Variants in CDH18 observed in about 807,000 individuals in gnomAD.
CDH18 encodes the protein cadherin 18, also known as cadherin-18.
A neutral mutation model predicts 67.9 loss-of-function variants in CDH18; 31 were observed. The observed-to-expected ratio is 0.46, with a 90% CI of 0.34 to 0.62. The LOEUF (loss-of-function observed/expected upper bound fraction) is 0.62. Among genes scored for constraint, CDH18 ranks in the 20% least tolerant of loss-of-function variants. CDH18 has a pLI of 0.01. For missense variants in CDH18, 890 were observed against 975.5 expected (o/e 0.91, Z 1.17); for synonymous variants, 362 against 347.2 (o/e 1.04, Z -0.48).
At chr5:19,591,608 C>T (rs946328151) in intron 6 of CDH18, among the ~76,000 whole-genome samples, 15 of 151,870 alleles carry the variant, frequency 9.9e-5, no homozygotes, top group South Asian at 4.2e-4. Flanking sequence ...TTCCACCCAT[C>T]GTAAATGTGA....
At chr5:20,046,507 G>A (rs1740905519) in intron 2 of CDH18, among the ~76,000 whole-genome samples, 1 of 151,552 alleles carries the variant, frequency 6.6e-6, no homozygotes, top group Admixed American at 6.6e-5. Flanking sequence ...GGATTTTGAA[G>A]AAACTATATA....
In CDH18 at chr5:20,111,282, T is replaced by C. The variant is rs945321783; in HGVS notation, c.-517-119268A>G. On this transcript the variant is annotated intron_variant, in intron 2 of 14. Transcript: ENST00000507958. ...TCAAAGGTTCAGAAGAACTGCTAGCTAATGTATACGCATTTTGTATGAAGA... is the reference window on the plus strand; with the variant it reads ...TCAAAGGTTCAGAAGAACTGCTAGCCAATGTATACGCATTTTGTATGAAGA... Among the ~76,000 whole-genome samples, 4 of 152,286 alleles carry C rather than the reference T, an allele frequency of 2.6e-5. No homozygotes were observed. The East Asian group carries it at 7.7e-4, about 30-fold the overall frequency.
intron 7 of CDH18, among the ~76,000 whole-genome samples, chr5:19,580,159 T>C (rs10941371): frequency 0.57 from 86,590 of 151,616 alleles, 27,281 homozygotes; most frequent in South Asian, 0.75. Context: ...GTTTTTTGGT[T>C]ATAATTTCCA....
chr5:19,955,539 T>G, intron 2 of CDH18, among the ~76,000 whole-genome samples: 1 of 152,078 alleles, frequency 6.6e-6, no homozygotes, highest in Middle Eastern at 3.2e-3. Flanking sequence ...GAATACACAT[T>G]AAGAGGACAG....
intron 2 of CDH18, among the ~76,000 whole-genome samples, chr5:20,086,050 T>C (rs1004652758): frequency 2.6e-5 from 4 of 152,120 alleles, no homozygotes; most frequent in Non-Finnish European, 4.4e-5. Context: ...AAGATGTAAA[T>C]ACAAAGGAAA....
At chr5:20,201,230 T>C (rs1011423137) in intron 2 of CDH18, among the ~76,000 whole-genome samples, 1 of 152,016 alleles carries the variant, frequency 6.6e-6, no homozygotes, top group African/African-American at 2.4e-5. Context: ...TACAGCCATC[T>C]TCTCTCTGTG....
Position 19,790,753 on chromosome 5 carries a change from T to A in CDH18, c.229-43517A>T, listed in dbSNP as rs574200083. 7.9e-5 allele frequency among the ~76,000 whole-genome samples: 12 copies of A among 152,188 alleles called. No individual in the cohort carries two copies. In the South Asian group the frequency reaches 2.5e-3, roughly 32 times the overall value. On this transcript the variant is annotated intron_variant, in intron 3 of 12. Transcript: ENST00000382275. ...GCTGGATAAGGAAGAGTTTATACGG[T>A]GCACAGGGGAAAGGGGATACCAATT...
At chr5:19,605,772 T>C (rs1272813657) in intron 6 of CDH18, among the ~76,000 whole-genome samples, 2 of 152,072 alleles carry the variant, frequency 1.3e-5, no homozygotes, top group Non-Finnish European at 2.9e-5. Context: ...TTTAAAAATA[T>C]GTAGTGCTGG....
chr5:19,751,581 A>G (rs1387539751), intron 3 of CDH18, among the ~76,000 whole-genome samples: 3 of 152,224 alleles, frequency 2.0e-5, no homozygotes, highest in Non-Finnish European at 2.9e-5. Context: ...TCATTCCAGA[A>G]TGTATTACAT....
intron 2 of CDH18, among the ~76,000 whole-genome samples, chr5:20,043,794 T>A (rs893403318): frequency 6.6e-6 from 1 of 152,212 alleles, no homozygotes; most frequent in African/African-American, 2.4e-5. Context: ...AGCTGATATT[T>A]TTCCTCTGAT....
intron 5 of CDH18, among the ~76,000 whole-genome samples, chr5:19,720,051 C>T (rs551922096): frequency 6.6e-6 from 1 of 152,132 alleles, no homozygotes; most frequent in East Asian, 1.9e-4. Flanking sequence ...GCAAGTGACC[C>T]AATCAAATCC....
intron 1 of CDH18, among the ~76,000 whole-genome samples, chr5:20,257,538 C>G (rs1744342722): frequency 6.6e-6 from 1 of 152,064 alleles, no homozygotes; most frequent in Admixed American, 6.6e-5. Flanking sequence ...GCCCAATGCA[C>G]AGCTCTGACT....
At chr5:20,231,104 T>A (rs925084352) in intron 2 of CDH18, among the ~76,000 whole-genome samples, 2 of 152,172 alleles carry the variant, frequency 1.3e-5, no homozygotes, top group African/African-American at 4.8e-5. Context: ...CTACTATACG[T>A]TGAAATCTGT....
intron 2 of CDH18, among the ~76,000 whole-genome samples, chr5:20,081,831 C>T (rs1258308143): frequency 1.3e-5 from 2 of 152,104 alleles, no homozygotes; most frequent in Non-Finnish European, 2.9e-5. Context: ...AACAAACAAC[C>T]ACCTATTGGG....
At position 19,512,312 on chromosome 5, in the gene CDH18, C is replaced by T. The variant is rs144415293; in HGVS notation, c.1512+8345G>A. On this transcript the variant is annotated intron_variant, in intron 10 of 12. Transcript: ENST00000382275. Reference sequence around the variant, plus strand: ...TGAATTTTTAAAATTATAATTAGTCCGAAAACAATGTCTGATGCAAACATA... The same window carrying T: ...TGAATTTTTAAAATTATAATTAGTCTGAAAACAATGTCTGATGCAAACATA... 6.6e-5 allele frequency among the ~76,000 whole-genome samples: 10 copies of T among 152,060 alleles called. No homozygotes were observed. The South Asian group carries it at 1.5e-3, about 22-fold the overall frequency.
At chr5:19,767,142 C>T (rs1325675212) in intron 3 of CDH18, among the ~76,000 whole-genome samples, 2 of 151,754 alleles carry the variant, frequency 1.3e-5, no homozygotes, top group Non-Finnish European at 2.9e-5. Flanking sequence ...CAGGAGAAAA[C>T]TTGGCTCAGT....
intron 5 of CDH18, among the ~76,000 whole-genome samples, chr5:19,624,018 T>TATGATTATG (rs998373414): frequency 6.7e-6 from 1 of 148,356 alleles, no homozygotes; most frequent in East Asian, 2.0e-4. Flanking sequence ...TTATTATTAT[T>TATGATTATG]ATTATTGAGA....
chr5:20,004,197 A>G (rs1263300246), intron 2 of CDH18, among the ~76,000 whole-genome samples: 2 of 152,066 alleles, frequency 1.3e-5, no homozygotes, highest in Admixed American at 6.6e-5. Context: ...GATTTTTACT[A>G]TTTTTACTGG....
intron 2 of CDH18, among the ~76,000 whole-genome samples, chr5:20,219,526 A>G (rs1217251065): frequency 2.6e-5 from 4 of 151,656 alleles, no homozygotes; most frequent in African/African-American, 2.4e-5. Flanking sequence ...TCAAAAAAAA[A>G]AAAAGAAAAA....
Sources: allele counts gnomAD v4.1 joint callset (sites outside exome capture counted in the v4.1 genomes callset), GRCh38; gene constraint gnomAD v4.1.1; transcripts MANE v1.5; gene names NCBI Gene and HGNC (gene_info 2026-07-23, HGNC 2026-07-21).